MAD1L1: variants seen among roughly 807,000 people sequenced by gnomAD.
MAD1L1 encodes mitotic spindle assembly checkpoint protein MAD1.
Under a neutral mutation model 96.9 loss-of-function variants are expected in MAD1L1, and 95 were observed. The ratio of observed to expected loss-of-function variants is 0.98; its 90% CI spans 0.83 to 1.16. The LOEUF (loss-of-function observed/expected upper bound fraction) is 1.16. MAD1L1 is among the 50% of genes most tolerant of loss of function. The pLI is 0.00. For missense variants in MAD1L1, 1,007 were observed against 954.4 expected (o/e 1.06, Z -0.73); for synonymous variants, 473 against 396.6 (o/e 1.19, Z -2.29).
chr7:2,116,155 T>C (rs570830501), intron 11 of MAD1L1, among the ~76,000 whole-genome samples: 1 of 152,364 alleles, frequency 6.6e-6, no homozygotes, highest in African/African-American at 2.4e-5. Context: ...TGTTGGCTGC[T>C]GCTCCCAGTG....
At chr7:1,932,279 C>G (rs552524125) in intron 17 of MAD1L1, among the ~76,000 whole-genome samples, 6 of 152,230 alleles carry the variant, frequency 3.9e-5, no homozygotes, top group Non-Finnish European at 7.3e-5. Context: ...TGGCCCCTGC[C>G]GGCTGCTCCC....
At chr7:2,167,072 C>T (rs1395565083) in intron 10 of MAD1L1, among the ~76,000 whole-genome samples, 2 of 152,194 alleles carry the variant, frequency 1.3e-5, no homozygotes, top group African/African-American at 2.4e-5. Context: ...AAAGCAACCC[C>T]GCTGTGGACA....
At chr7:2,066,893 C>G (rs1186778356) in intron 12 of MAD1L1, among the ~76,000 whole-genome samples, 4 of 152,242 alleles carry the variant, frequency 2.6e-5, no homozygotes, top group African/African-American at 9.6e-5. Flanking sequence ...CAAGGGAACT[C>G]TGCCCATCAG....
At chr7:2,100,678 G>A (rs943786282) in intron 11 of MAD1L1, among the ~76,000 whole-genome samples, 3 of 152,224 alleles carry the variant, frequency 2.0e-5, no homozygotes, top group Non-Finnish European at 4.4e-5. Context: ...CAGGGAGAGT[G>A]GGAGCCGCGT....
rs999181120 is a variant in MAD1L1, at chr7:1,968,556, G to A, written c.1506-10837C>T. Among the ~76,000 whole-genome samples, 2 of 151,342 alleles carry A rather than the reference G, an allele frequency of 1.3e-5. No individual in the cohort carries two copies. Among genetic ancestry groups the A allele is most frequent in the African/African-American group, 2.4e-5 (1 of 41,138 alleles). On this transcript the variant is annotated intron_variant, in intron 15 of 18. Transcript: ENST00000265854. The surrounding 1 kb of genome is among the most constrained non-coding windows in gnomAD (Gnocchi z 5.6). ...GCCAGCGGTCATGTCCACCATCAAC[G>A]CCTCAGTCCAGCGGTCAGGTCCACT...
rs141415056 is a variant in MAD1L1, at chr7:2,166,772, G to A, written c.987-17534C>T. 1.4e-3 allele frequency among the ~76,000 whole-genome samples: 214 copies of A among 152,300 alleles called. 1 individual carries two copies. Among genetic ancestry groups the A allele is most frequent in the Non-Finnish European group, 2.3e-3 (154 of 68,024 alleles). ...GCTGGGCCGGGAGAATGACCTGGGC[G>A]GAACCACGCCTGGCAGGGAGCTGCA... On this transcript the variant is annotated intron_variant, in intron 10 of 18. Coordinates refer to ENST00000265854, the MANE Select transcript of MAD1L1 (RefSeq NM_001013836.2).
intron 18 of MAD1L1, among the ~76,000 whole-genome samples, chr7:1,886,408 T>C (rs1263133871): frequency 6.6e-6 from 1 of 152,130 alleles, no homozygotes; most frequent in African/African-American, 2.4e-5. Context: ...CATCTGAGAG[T>C]GATAAATCCT....
At chr7:2,023,036 C>G (rs1386669066) in intron 12 of MAD1L1, among the ~76,000 whole-genome samples, 2 of 152,126 alleles carry the variant, frequency 1.3e-5, no homozygotes, top group Non-Finnish European at 2.9e-5. Flanking sequence ...TCAAAATATG[C>G]GAGGAAAACC....
chr7:2,068,999 C>A (rs987802667), intron 12 of MAD1L1, among the ~76,000 whole-genome samples, 195 bp downstream of exon 12: 7 of 152,274 alleles, frequency 4.6e-5, no homozygotes, highest in African/African-American at 1.7e-4. Flanking sequence ...CGCAGCAGGC[C>A]CAGAGAGTCC....
At chr7:1,902,309 C>A (rs540782992) in intron 17 of MAD1L1, among the ~76,000 whole-genome samples, 80 of 152,162 alleles carry the variant, frequency 5.3e-4, no homozygotes, top group Non-Finnish European at 7.9e-4. Context: ...GATAAAGGAG[C>A]ATTTACAGCA....
intron 11 of MAD1L1, among the ~76,000 whole-genome samples, chr7:2,077,071 A>G (rs3778941): frequency 0.05 from 6,878 of 138,290 alleles, 265 homozygotes; most frequent in African/African-American, 0.11. Flanking sequence ...TGGTGAGCCC[A>G]AGACAGAGTT....
chr7:2,100,025 G>A (rs552807913), intron 11 of MAD1L1, among the ~76,000 whole-genome samples: 23 of 152,294 alleles, frequency 1.5e-4, no homozygotes, highest in African/African-American at 4.1e-4. Flanking sequence ...CTTACACTTC[G>A]CCCCCAGCCA....
intron 17 of MAD1L1, among the ~76,000 whole-genome samples, chr7:1,909,174 G>T (rs975608560): frequency 6.6e-6 from 1 of 152,184 alleles, no homozygotes; most frequent in African/African-American, 2.4e-5. Flanking sequence ...TCAGGCCGAG[G>T]TCTGACCTCG....
At chr7:1,873,341 G>A (rs1785206874) in intron 18 of MAD1L1, among the ~76,000 whole-genome samples, 1 of 152,038 alleles carries the variant, frequency 6.6e-6, no homozygotes, top group South Asian at 2.1e-4. Flanking sequence ...AAATGGGGTT[G>A]TAATTACAGC....
chr7:2,124,662 G>GGGGCAGACCTGCTGGGTTC (rs1788145749), intron 11 of MAD1L1, among the ~76,000 whole-genome samples: 2 of 152,196 alleles, frequency 1.3e-5, no homozygotes, highest in Non-Finnish European at 2.9e-5. Context: ...CGCCTCCCCA[G>GGGGCAGACCTGCTGGGTTC]GGGCAGACCT....
chr7:1,905,344 T>C (rs11770498), intron 17 of MAD1L1, among the ~76,000 whole-genome samples: 5,625 of 60,184 alleles, frequency 0.093, 1,684 homozygotes, highest in Admixed American at 0.26. Context: ...GACGTTCTTG[T>C]GGAACTCATG....
At chr7:1,879,192 G>A (rs140839926) in intron 18 of MAD1L1, among the ~76,000 whole-genome samples, 2,799 of 151,978 alleles carry the variant, frequency 0.018, 91 homozygotes, top group African/African-American at 0.064. Flanking sequence ...AGTTCTTCCC[G>A]GCCGGGTGCA....
chr7:2,030,534 C>T (rs1229729909), intron 12 of MAD1L1, among the ~76,000 whole-genome samples: 1 of 152,228 alleles, frequency 6.6e-6, no homozygotes, highest in African/African-American at 2.4e-5. Flanking sequence ...CCTGAACAGC[C>T]TTGATGTGCA....
chr7:1,825,067 CT>C (rs1410419363), intron 18 of MAD1L1, among the ~76,000 whole-genome samples: 4 of 152,166 alleles, frequency 2.6e-5, no homozygotes, highest in Non-Finnish European at 4.4e-5. Context: ...TCATGGTTCT[CT>C]GCATTTTCCA....
Sources: gnomAD v4.1 joint callset for allele counts (sites outside exome capture counted in the v4.1 genomes callset) on GRCh38, gnomAD v4.1.1 for gene constraint, Gnocchi (gnomAD v3.1) non-coding constraint, MANE v1.5 for transcripts, NCBI Gene and HGNC (gene_info 2026-07-23, HGNC 2026-07-21) for gene names.